The following RASGRF1 variants were observed in gnomAD, a reference collection of about 807,000 sequenced individuals.
The protein encoded by RASGRF1 is ras-specific guanine nucleotide-releasing factor 1.
Under a neutral mutation model 138.7 loss-of-function variants are expected in RASGRF1, and 40 were observed. The observed-to-expected ratio is 0.29, with a 90% CI of 0.22 to 0.38. RASGRF1 has a LOEUF of 0.38. Among genes scored for constraint, RASGRF1 ranks in the 10% least tolerant of loss-of-function variants. The pLI is 1.00. For synonymous variants in RASGRF1, 614 were observed against 663.2 expected (o/e 0.93, Z 1.14); for missense variants, 1,108 against 1,650.4 (o/e 0.67, Z 5.69).
chr15:79,064,754 A>G, intron 1 of RASGRF1: 1 of 531,946 alleles, frequency 1.9e-6, no homozygotes, highest in African/African-American at 1.9e-5. Flanking sequence ...TGTAAGAAGG[A>G]AACAAAACAC....
intron 14 of RASGRF1, chr15:79,004,952 A>G: frequency 5.8e-5 from 57 of 984,380 alleles, no homozygotes; most frequent in Non-Finnish European, 6.6e-5. Context: ...GGACTCAGCC[A>G]AGGCCATAGG....
At chr15:78,994,541 A>C (rs1237324640) in intron 20 of RASGRF1, among the ~76,000 whole-genome samples, 4 of 152,158 alleles carry the variant, frequency 2.6e-5, no homozygotes, top group Non-Finnish European at 4.4e-5. Context: ...GCCTGTCTTG[A>C]GTATCCCCAG....
intron 1 of RASGRF1, among the ~76,000 whole-genome samples, chr15:79,068,892 G>A (rs2057717051): frequency 6.6e-6 from 1 of 152,116 alleles, no homozygotes; most frequent in African/African-American, 2.4e-5. Context: ...AACCCCAGCA[G>A]AGGCCAGGCG....
Position 79,019,982 on chromosome 15 carries a change from G to A in RASGRF1, c.1606+59C>T, listed in dbSNP as rs929423013. ...CTAATGCCTGGCCCAACCTTTAGGA[G>A]TGAGCGTGTGTGTATCTGTGCAAGC... On this transcript the variant is annotated intron_variant, in intron 11 of 26. Coordinates refer to ENST00000558480, the MANE Select transcript of RASGRF1 (RefSeq NM_001145648.3). 7 of 1,591,728 alleles carry A rather than the reference G, an allele frequency of 4.4e-6. No individual in the cohort carries two copies. The African/African-American group carries it at 8.1e-5, about 18-fold the overall frequency.
Position 78,973,261 on chromosome 15 carries a change from C to G in RASGRF1, c.3612+42G>C, listed in dbSNP as rs763803715. On this transcript the variant is annotated intron_variant, in intron 25 of 26. Coordinates refer to ENST00000558480, the MANE Select transcript of RASGRF1 (RefSeq NM_001145648.3). This position sits in a 1 kb window ranked among gnomAD's most constrained non-coding sequence, Gnocchi z 4.9. Reference sequence around the variant, plus strand: ...TGGGCCCCAGGTTGAGTCATCTGGGCTTCAACGCCCCCCTTCCCCTGCCTG... The same window carrying G: ...TGGGCCCCAGGTTGAGTCATCTGGGGTTCAACGCCCCCCTTCCCCTGCCTG... 7 of 1,495,278 alleles carry G rather than the reference C, an allele frequency of 4.7e-6. No homozygotes were observed. The highest frequency in any genetic ancestry group is 2.4e-5 in the South Asian group (2 of 82,606). 92.6% of individuals were successfully genotyped at this position (1,495,278 alleles called of 1,614,324 possible). A position where few individuals can be genotyped will look rare whatever the true frequency, so the allele number is the denominator to read the frequency against.
Position 78,985,082 on chromosome 15 carries a change from T to A in RASGRF1, c.3339A>T (p.Val1113=). The change falls in exon 23 of 27, where the codon GTA becomes GTT. Residue 1113 remains valine, a synonymous_variant. Coordinates refer to ENST00000558480, the MANE Select transcript of RASGRF1 (RefSeq NM_001145648.3). ...ICRCLHNYNA[V]LEITSSMNRS... is the part of the protein sequence containing the mutation. ...GGTTCATGGACGAGGTGATCTCCAG[T>A]ACGGCATTGTAGTTGTGGAGGCAGC... is the stretch of plus-strand genomic sequence containing the variant. The A allele has an allele frequency of 3.1e-6, 5 of 1,614,074 alleles. No individual in the cohort carries two copies. Among genetic ancestry groups the A allele is most frequent in the Non-Finnish European group, 4.2e-6 (5 of 1,179,964 alleles).
chr15:79,072,210 C>A (rs2057766179), intron 1 of RASGRF1, among the ~76,000 whole-genome samples: 1 of 148,318 alleles, frequency 6.7e-6, no homozygotes, highest in Non-Finnish European at 1.5e-5. Context: ...CTGAGGACCT[C>A]ACGAGGGTGG....
chr15:79,068,563 C>T (rs957898556), intron 1 of RASGRF1, among the ~76,000 whole-genome samples: 1 of 145,996 alleles, frequency 6.8e-6, no homozygotes, highest in East Asian at 2.0e-4. Context: ...GCTTTTATAT[C>T]GATGTATCAT....
Position 78,962,077 on chromosome 15 carries a change from A to G in RASGRF1, c.*67T>C. 1 of 1,008,318 alleles carries G rather than the reference A, an allele frequency of 9.9e-7. No individual in the cohort carries two copies. The highest frequency in any genetic ancestry group is 1.5e-5 in the South Asian group (1 of 68,596). 62.5% of individuals were successfully genotyped at this position (1,008,318 alleles called of 1,614,324 possible). A position where few individuals can be genotyped will look rare whatever the true frequency, so the allele number is the denominator to read the frequency against. ...TGAAGAAGAAAATCCAGTGAAACCA[A>G]ACGAATATGTACAGTATCATCTAGC... is the stretch of plus-strand genomic sequence containing the variant. On this transcript the variant is annotated 3_prime_UTR_variant, in exon 27 of 27. Coordinates refer to ENST00000558480, the MANE Select transcript of RASGRF1 (RefSeq NM_001145648.3).
chr15:79,064,268 G>A lies in RASGRF1; in HGVS notation c.383+152C>T, dbSNP rs940454654. On this transcript the variant is annotated intron_variant, in intron 2 of 26. Coordinates refer to ENST00000558480, the MANE Select transcript of RASGRF1 (RefSeq NM_001145648.3). ...GAGGCTCATCCCAGAGGTGCAGGATGTAAGGGTGGACCCTGCCAAGAGATG... is the reference window on the plus strand; with the variant it reads ...GAGGCTCATCCCAGAGGTGCAGGATATAAGGGTGGACCCTGCCAAGAGATG... The A allele has an allele frequency of 8.7e-6, 6 of 690,044 alleles. No homozygotes were observed. The African/African-American group carries it at 1.1e-4, about 12-fold the overall frequency. 42.7% of individuals were successfully genotyped at this position (690,044 alleles called of 1,614,324 possible).
intron 20 of RASGRF1, 38 bp from the exon 21 acceptor site, chr15:78,991,832 C>G: frequency 1.3e-6 from 2 of 1,538,234 alleles, no homozygotes; most frequent in Non-Finnish European, 1.8e-6. Context: ...TTGAGTTAGG[C>G]CCATGACGGA....
chr15:78,963,948 G>A (rs1333973283), intron 26 of RASGRF1, among the ~76,000 whole-genome samples: 1 of 152,026 alleles, frequency 6.6e-6, no homozygotes, highest in Non-Finnish European at 1.5e-5. Context: ...CAAGCCCCCT[G>A]GGGATCAGGA....
At chr15:79,009,766 C>A (rs1011411286) in intron 13 of RASGRF1, among the ~76,000 whole-genome samples, 7 of 152,036 alleles carry the variant, frequency 4.6e-5, no homozygotes, top group African/African-American at 1.7e-4. Context: ...GCTCTGTTGC[C>A]CAGGCTGGAG....
intron 26 of RASGRF1, among the ~76,000 whole-genome samples, chr15:78,965,534 C>A (rs754134460): frequency 1.1e-4 from 16 of 152,114 alleles, no homozygotes; most frequent in Non-Finnish European, 1.5e-4. Flanking sequence ...TCAAAAACAA[C>A]CCATCCCACA....
At chr15:78,978,315 C>T (rs768730303) in intron 24 of RASGRF1, 14 of 166,260 alleles carry the variant, frequency 8.4e-5, no homozygotes, top group Non-Finnish European at 1.4e-4. Flanking sequence ...ACTTCTGCCT[C>T]CTGGGCTCAA....
At chr15:79,025,661 G>A (rs2057036510) in intron 9 of RASGRF1, among the ~76,000 whole-genome samples, 187 bp from the exon 10 acceptor site, 1 of 152,198 alleles carries the variant, frequency 6.6e-6, no homozygotes, top group Non-Finnish European at 1.5e-5. Context: ...AGGGATGAGA[G>A]GTGATCAGAG....
chr15:78,991,354 C>A (rs928149422), intron 21 of RASGRF1, among the ~76,000 whole-genome samples: 1 of 152,258 alleles, frequency 6.6e-6, no homozygotes, highest in African/African-American at 2.4e-5. Context: ...TGGACCTACA[C>A]ACGTGCCCAC....
intron 2 of RASGRF1, among the ~76,000 whole-genome samples, chr15:79,059,372 T>TTCCCTTC (rs2057562035): frequency 2.6e-5 from 1 of 38,412 alleles, no homozygotes. Context: ...CCCTTCCCAA[T>TTCCCTTC]CCTTCCCTTC....
intron 22 of RASGRF1, among the ~76,000 whole-genome samples, chr15:78,988,293 T>G (rs2141650181): frequency 6.6e-6 from 1 of 152,314 alleles, no homozygotes; most frequent in South Asian, 2.1e-4. Flanking sequence ...TCACTTCATA[T>G]TCTTGTCTTT....
Sources: gnomAD v4.1 joint callset for allele counts (sites outside exome capture counted in the v4.1 genomes callset) on GRCh38, gnomAD v4.1.1 for gene constraint, Gnocchi (gnomAD v3.1) non-coding constraint, MANE v1.5 for transcripts, NCBI Gene and HGNC (gene_info 2026-07-23, HGNC 2026-07-21) for gene names.